The following GYG1 variants were observed in gnomAD, a reference collection of about 807,000 sequenced individuals.
GYG1 encodes the protein glycogenin-1.
Under a neutral mutation model 41.9 loss-of-function variants are expected in GYG1, and 44 were observed. That is an observed-to-expected ratio of 1.05 (90% CI 0.83 to 1.35). The LOEUF (loss-of-function observed/expected upper bound fraction) is 1.35, where lower values mean the gene tolerates loss of function less well. Ranked by LOEUF, GYG1 falls within the 40% of genes most tolerant of loss-of-function variation. The pLI is 0.00. For synonymous variants in GYG1, 141 were observed against 158.1 expected (o/e 0.89, Z 0.81); for missense variants, 429 against 418.9 (o/e 1.02, Z -0.21).
chr3:149,018,578 T>TA (rs960707570), intron 5 of GYG1, among the ~76,000 whole-genome samples: 42 of 152,266 alleles, frequency 2.8e-4, no homozygotes, highest in African/African-American at 1.0e-3. Context: ...TTCCCCCACT[T>TA]AACAGCTGCC....
intron 4 of GYG1, chr3:149,001,235 ACTAGGCTGCCTGTT>A (rs1713078916): frequency 1.3e-5 from 2 of 152,208 alleles, no homozygotes; most frequent in Non-Finnish European, 2.9e-5. Context: ...CCACCCAAGC[ACTAGGCTGCCTGTT>A]CTAGTAATTT....
chr3:149,005,633 T>A (rs1713356129), intron 4 of GYG1, among the ~76,000 whole-genome samples: 1 of 152,210 alleles, frequency 6.6e-6, no homozygotes, highest in Non-Finnish European at 1.5e-5. Context: ...TTTGCCTATG[T>A]GTAAGGCATT....
In GYG1 at chr3:149,026,838, G is replaced by C. The variant is rs150523225; in HGVS notation, c.958G>C (p.Glu320Gln). The C allele has an allele frequency of 8.1e-6, 13 of 1,613,864 alleles. No homozygotes were observed. Among genetic ancestry groups the C allele is most frequent in the Non-Finnish European group, 9.3e-6 (11 of 1,179,880 alleles). ...AMAQPFVSSE[E>Q]RKERWEQGQA... Reference sequence around the variant, plus strand: ...GGCACAGCCGTTTGTATCCTCGGAAGAACGGAAGGAACGATGGGAACAGGG... The same window carrying C: ...GGCACAGCCGTTTGTATCCTCGGAACAACGGAAGGAACGATGGGAACAGGG... The change falls in exon 8 of 8, where the codon GAA (glutamate) becomes CAA (glutamine). Residue 320 changes from glutamate (E) to glutamine (Q), a missense_variant. Transcript: ENST00000345003.
At chr3:149,023,949 G>C in intron 5 of GYG1, 104 bp from the exon 6 acceptor site, 1 of 807,952 alleles carries the variant, frequency 1.2e-6, no homozygotes, top group South Asian at 1.4e-5. Flanking sequence ...GTGAGACACT[G>C]TCTCTTAAGA....
At position 149,024,099 on chromosome 3, in the gene GYG1, C is replaced by T; in HGVS notation, c.655C>T (p.Pro219Ser). 1 of 1,614,162 alleles carries T rather than the reference C, an allele frequency of 6.2e-7. No individual in the cohort carries two copies. Among genetic ancestry groups the T allele is most frequent in the Non-Finnish European group, 8.5e-7 (1 of 1,180,004 alleles). The part of the protein sequence containing the change: ...KVVHFLGRVK[P>S]WNYTYDPKTK... ...TGTGCATTTCCTGGGACGAGTCAAA[C>T]CATGGAATTATACTTATGATCCCAA... Residue 219 changes from proline (P) to serine (S), a missense_variant, in exon 6 of 8, where the codon CCA (proline) becomes TCA (serine). Coordinates refer to ENST00000345003, the MANE Select transcript of GYG1 (RefSeq NM_004130.4).
chr3:148,999,619 A>G (rs1712986970), intron 4 of GYG1, among the ~76,000 whole-genome samples: 2 of 152,152 alleles, frequency 1.3e-5, no homozygotes. Context: ...GCAATAAAAT[A>G]TTTCTTTATG....
At chr3:149,016,197 C>T (rs1167449386) in intron 5 of GYG1, among the ~76,000 whole-genome samples, 2 of 138,176 alleles carry the variant, frequency 1.4e-5, no homozygotes, top group African/African-American at 2.7e-5. Context: ...GGAGGTGGAG[C>T]TTGCAGTGAG....
Position 148,994,333 on chromosome 3 carries a change from T to C in GYG1, c.143+56T>C. 7 of 1,576,106 alleles carry C rather than the reference T, an allele frequency of 4.4e-6. No individual in the cohort carries two copies. The South Asian group carries it at 7.7e-5, about 17-fold the overall frequency. ...AGGGGCTCTGACATCCTTCTCCCTG[T>C]TGCTGACATCATTGGACATTGAGGC... On this transcript the variant is annotated intron_variant, in intron 2 of 7. Coordinates refer to ENST00000345003, the MANE Select transcript of GYG1 (RefSeq NM_004130.4).
intron 7 of GYG1, 27 bp from the exon 8 acceptor site, chr3:149,026,733 T>G: frequency 2.0e-6 from 3 of 1,468,740 alleles, no homozygotes; most frequent in Non-Finnish European, 2.9e-6. Context: ...TCAGCTCTCA[T>G]AGAGTCAATT....
At position 148,994,159 on chromosome 3, in the gene GYG1, C is replaced by CT. The variant is rs985019447; in HGVS notation, c.26dup (p.Thr10AsnfsTer47). The CT allele has an allele frequency of 2.5e-6, 4 of 1,613,238 alleles. No homozygotes were observed. The African/African-American group carries it at 5.3e-5, about 22-fold the overall frequency. The stretch of plus-strand genomic sequence containing the variant: ...GTATTAAGATCAGGCCTTTGTGACA[C>CT]TAACCACAAACGATGCCTACGCCAA... On this transcript the variant is annotated frameshift_variant, in exon 2 of 8. Coordinates refer to ENST00000345003, the MANE Select transcript of GYG1 (RefSeq NM_004130.4). LOFTEE classifies it high-confidence loss of function.
At chr3:149,005,475 A>G (rs1713344348) in intron 4 of GYG1, among the ~76,000 whole-genome samples, 1 of 152,208 alleles carries the variant, frequency 6.6e-6, no homozygotes, top group Non-Finnish European at 1.5e-5. Flanking sequence ...AGTTGTCTTT[A>G]TAGACATTAG....
In GYG1 at chr3:149,024,202, T is replaced by G. The variant is rs569202072; in HGVS notation, c.758T>G (p.Phe253Cys). The G allele has an allele frequency of 2.5e-6, 4 of 1,613,526 alleles. No individual in the cohort carries two copies. Among genetic ancestry groups the G allele is most frequent in the Non-Finnish European group, 3.4e-6 (4 of 1,179,412 alleles). ...TTTCTCATCCTGTGGTGGAACATCTTTACCACCAACGTTTTACCTCTGCTT... is the reference window on the plus strand; with the variant it reads ...TTTCTCATCCTGTGGTGGAACATCTGTACCACCAACGTTTTACCTCTGCTT... ...PEFLILWWNI[F>C]TTNVLPLLQQ... The change falls in exon 6 of 8, where the codon TTT (phenylalanine) becomes TGT (cysteine). Residue 253 changes from phenylalanine to cysteine, a missense_variant. Physicochemically the swap from Phe to Cys is radical, Grantham distance 205. Coordinates refer to ENST00000345003, the MANE Select transcript of GYG1 (RefSeq NM_004130.4).
Position 149,009,156 on chromosome 3 carries a change from CT to C in GYG1, c.482-119del. The C allele has an allele frequency of 8.6e-6, 6 of 699,188 alleles. No individual in the cohort carries two copies. The South Asian group carries it at 1.1e-4, about 13-fold the overall frequency. 43.3% of individuals were successfully genotyped at this position (699,188 alleles called of 1,614,324 possible). On this transcript the variant is annotated intron_variant, in intron 4 of 7. Coordinates refer to ENST00000345003, the MANE Select transcript of GYG1 (RefSeq NM_004130.4). ...CTTGGGTGACAGAGCGAGACTCCGT[CT>C]CAAAAAAAAAAAAAAAATGGAATTA...
chr3:149,002,723 A>C (rs898188278), intron 4 of GYG1, among the ~76,000 whole-genome samples: 2 of 152,222 alleles, frequency 1.3e-5, no homozygotes, highest in Non-Finnish European at 2.9e-5. Flanking sequence ...GTAGGAAGTT[A>C]GTTTTAAAAA....
In GYG1 at chr3:149,030,173, A is replaced by G. The variant is rs557682228; in HGVS notation, c.*3240A>G. On this transcript the variant is annotated 3_prime_UTR_variant, in exon 8 of 8. Transcript: ENST00000345003. The stretch of plus-strand genomic sequence containing the variant: ...TTTTTAAATTTAAAATCCAGTTTTA[A>G]CCACAAAATTGTTTGAATCACAAGT... 2 of 152,324 alleles carry G rather than the reference A, an allele frequency of 1.3e-5. No homozygotes were observed. Among genetic ancestry groups the G allele is most frequent in the South Asian group, 4.1e-4 (2 of 4,830 alleles). 9.4% of individuals were successfully genotyped at this position (152,324 alleles called of 1,614,324 possible).
At position 149,028,688 on chromosome 3, in the gene GYG1, A is replaced by G. The variant is rs2107927122; in HGVS notation, c.*1755A>G. Among the ~76,000 whole-genome samples the G allele has an allele frequency of 6.6e-6, 1 of 151,318 alleles. No homozygotes were observed. Among genetic ancestry groups the G allele is most frequent in the South Asian group, 2.1e-4 (1 of 4,786 alleles). ...GCATAACAAAGCTCTAAGGTGGAAA[A>G]GCTGACATAGTTTTAAATTTTTTTT... On this transcript the variant is annotated 3_prime_UTR_variant, in exon 8 of 8. Transcript: ENST00000345003.
chr3:149,015,794 C>A (rs931827444), intron 5 of GYG1, among the ~76,000 whole-genome samples: 1 of 151,880 alleles, frequency 6.6e-6, no homozygotes, highest in Non-Finnish European at 1.5e-5. Context: ...CGAGAGAGGG[C>A]GGTGGTGATT....
At position 149,029,469 on chromosome 3, in the gene GYG1, T is replaced by C. The variant is rs1714836815; in HGVS notation, c.*2536T>C. ...GGTTTATGCATAAAGTAAATGTTTG[T>C]TTACCTTAATTCTCCTTATACCCAT... On this transcript the variant is annotated 3_prime_UTR_variant, in exon 8 of 8. Coordinates refer to ENST00000345003, the MANE Select transcript of GYG1 (RefSeq NM_004130.4). Among the ~76,000 whole-genome samples, 1 of 152,014 alleles carries C rather than the reference T, an allele frequency of 6.6e-6. No individual in the cohort carries two copies. Among genetic ancestry groups the C allele is most frequent in the Admixed American group, 6.5e-5 (1 of 15,270 alleles).
intron 4 of GYG1, among the ~76,000 whole-genome samples, chr3:149,000,571 A>G (rs779911421): frequency 6.6e-6 from 1 of 152,184 alleles, no homozygotes; most frequent in African/African-American, 2.4e-5. Flanking sequence ...GTTGAGGTTT[A>G]TTTTCTTTTC....
Sources: gnomAD v4.1 joint callset for allele counts (sites outside exome capture counted in the v4.1 genomes callset) on GRCh38, gnomAD v4.1.1 for gene constraint, MANE v1.5 for transcripts, NCBI Gene and HGNC (gene_info 2026-07-23, HGNC 2026-07-21) for gene names.